The following MEIS2 variants were observed in gnomAD, a reference collection of about 807,000 sequenced individuals.
MEIS2 encodes the protein Meis homeobox 2, also known as homeobox protein Meis2.
Under a neutral mutation model 58.6 loss-of-function variants are expected in MEIS2, and 9 were observed. The observed-to-expected ratio is 0.15, with a 90% confidence interval of 0.09 to 0.27. The LOEUF is 0.27. Ranked by LOEUF, MEIS2 falls within the 10% of genes least tolerant of loss-of-function variation. MEIS2 has a pLI of 1.00. For missense variants in MEIS2, 427 were observed against 635.0 expected (o/e 0.67, Z 3.52); for synonymous variants, 221 against 228.4 (o/e 0.97, Z 0.29).
intron 9 of MEIS2, among the ~76,000 whole-genome samples, chr15:36,938,595 C>T (rs893873726): frequency 8.5e-5 from 13 of 152,188 alleles, no homozygotes; most frequent in African/African-American, 2.7e-4. Context: ...CTGTGTAAGT[C>T]ACCTATCATC....
At chr15:37,072,916 C>G (rs1429589144) in intron 7 of MEIS2, among the ~76,000 whole-genome samples, 3 of 152,136 alleles carry the variant, frequency 2.0e-5, no homozygotes, top group Non-Finnish European at 2.9e-5. Flanking sequence ...ACTCCCTCTT[C>G]TGAAATACCT....
At position 36,916,216 on chromosome 15, in the gene MEIS2, A is replaced by G. The variant is rs1189878175; in HGVS notation, c.978-19530T>C. 1.3e-5 allele frequency among the ~76,000 whole-genome samples: 2 copies of G among 150,436 alleles called. 1 individual carries two copies. The highest frequency in any genetic ancestry group is 1.3e-4 in the Admixed American group (2 of 15,126). ...GCAAAGGTGTGTGGATCACGAGGTCAGGAGATTGAGACCATCCTGGCTAAA... is the reference window on the plus strand; with the variant it reads ...GCAAAGGTGTGTGGATCACGAGGTCGGGAGATTGAGACCATCCTGGCTAAA... On this transcript the variant is annotated intron_variant, in intron 9 of 11. Transcript: ENST00000561208.
intron 7 of MEIS2, among the ~76,000 whole-genome samples, chr15:37,043,966 G>A (rs1358451799): frequency 2.0e-5 from 3 of 152,038 alleles, no homozygotes; most frequent in African/African-American, 4.8e-5. Context: ...GATTACAGGC[G>A]TGAGCCACTG....
intron 8 of MEIS2, among the ~76,000 whole-genome samples, chr15:36,990,080 G>A (rs983385567): frequency 6.6e-6 from 1 of 152,120 alleles, no homozygotes; most frequent in East Asian, 1.9e-4. Context: ...AAGTAGCTGG[G>A]ACTACAGGCG....
intron 9 of MEIS2, among the ~76,000 whole-genome samples, chr15:36,904,498 A>AT (rs1341045785): frequency 1.3e-5 from 2 of 152,068 alleles, no homozygotes; most frequent in Non-Finnish European, 2.9e-5. Flanking sequence ...AGAATGCTCC[A>AT]TTTTTTCTGA....
At chr15:37,080,024 T>C (rs1048577322) in intron 7 of MEIS2, among the ~76,000 whole-genome samples, 5 of 152,150 alleles carry the variant, frequency 3.3e-5, no homozygotes, top group African/African-American at 7.2e-5. Flanking sequence ...AAATGAATTT[T>C]ACAAAAATGA....
chr15:36,956,887 T>A (rs1467198571), intron 8 of MEIS2, among the ~76,000 whole-genome samples: 9 of 111,976 alleles, frequency 8.0e-5, no homozygotes, highest in Non-Finnish European at 1.3e-4. Flanking sequence ...AAATGATTGT[T>A]AAAAAAAAAA....
At chr15:36,979,111 G>A (rs2059850091) in intron 8 of MEIS2, among the ~76,000 whole-genome samples, 1 of 152,096 alleles carries the variant, frequency 6.6e-6, no homozygotes, top group African/African-American at 2.4e-5. Flanking sequence ...CTGACATGAT[G>A]CTACAAATGA....
At chr15:37,030,375 T>G (rs1425477943) in intron 8 of MEIS2, among the ~76,000 whole-genome samples, 1 of 152,086 alleles carries the variant, frequency 6.6e-6, no homozygotes, top group African/African-American at 2.4e-5. Context: ...TTTTTTCTTT[T>G]TTTTAGGCTG....
chr15:36,912,683 T>C (rs1321095401), intron 9 of MEIS2, among the ~76,000 whole-genome samples: 1 of 152,164 alleles, frequency 6.6e-6, no homozygotes, highest in Non-Finnish European at 1.5e-5. Flanking sequence ...GCCACCTTGG[T>C]GAGAGATTAA....
intron 8 of MEIS2, among the ~76,000 whole-genome samples, chr15:36,963,744 G>C (rs1384795638): frequency 6.6e-6 from 1 of 152,170 alleles, no homozygotes. Context: ...TCCCAGGCGA[G>C]ATCTTTAACA....
chr15:37,048,058 T>C (rs1037193362), intron 7 of MEIS2, among the ~76,000 whole-genome samples: 4 of 152,330 alleles, frequency 2.6e-5, no homozygotes, highest in East Asian at 1.9e-4. Flanking sequence ...TTAGTAAAGA[T>C]AGCTGGCTAA....
intron 9 of MEIS2, among the ~76,000 whole-genome samples, chr15:36,934,691 A>G (rs1297405311): frequency 6.6e-6 from 1 of 152,238 alleles, no homozygotes; most frequent in Non-Finnish European, 1.5e-5. Context: ...GCTGTCATGC[A>G]GTGAAATTTA....
At chr15:36,966,008 AAC>A (rs2059343049) in intron 8 of MEIS2, among the ~76,000 whole-genome samples, 1 of 152,258 alleles carries the variant, frequency 6.6e-6, no homozygotes, top group African/African-American at 2.4e-5. Context: ...TCTCTGGAGA[AAC>A]TCTATTATAT....
chr15:36,918,659 G>C (rs1268947964), intron 9 of MEIS2, among the ~76,000 whole-genome samples: 1 of 152,190 alleles, frequency 6.6e-6, no homozygotes, highest in Admixed American at 6.5e-5. Context: ...TGCAGAAAAG[G>C]TGGAGATAAC....
chr15:37,095,473 T>G (rs1260401974), intron 4 of MEIS2, 91 bp downstream of exon 4: 19 of 1,594,370 alleles, frequency 1.2e-5, no homozygotes, highest in Non-Finnish European at 1.5e-5. Flanking sequence ...AGGGTTCTGT[T>G]CTAACTCCCC....
intron 7 of MEIS2, among the ~76,000 whole-genome samples, chr15:37,053,934 T>A (rs551014564): frequency 7.9e-5 from 12 of 152,192 alleles, no homozygotes; most frequent in Non-Finnish European, 1.5e-4. Flanking sequence ...GTCAAATAAT[T>A]CTTTTCAATT....
At chr15:36,914,604 G>C (rs1056826190) in intron 9 of MEIS2, among the ~76,000 whole-genome samples, 1 of 152,166 alleles carries the variant, frequency 6.6e-6, no homozygotes, top group Non-Finnish European at 1.5e-5. Context: ...GAGGCCTGGA[G>C]AATAAAACCA....
At chr15:37,045,282 A>G (rs541609212) in intron 7 of MEIS2, among the ~76,000 whole-genome samples, 35 of 152,282 alleles carry the variant, frequency 2.3e-4, no homozygotes, top group African/African-American at 7.5e-4. Context: ...ACTGCAACAC[A>G]CGGTATTTTA....
Sources: allele counts gnomAD v4.1 joint callset (sites outside exome capture counted in the v4.1 genomes callset), GRCh38; gene constraint gnomAD v4.1.1; transcripts MANE v1.5; gene names NCBI Gene and HGNC (gene_info 2026-07-23, HGNC 2026-07-21).